RB1: variants seen among roughly 807,000 people sequenced by gnomAD.
The protein encoded by RB1 is RB transcriptional corepressor 1.
A neutral mutation model predicts 135.4 loss-of-function variants in RB1; 18 were observed. The ratio of observed to expected loss-of-function variants is 0.13; its 90% CI spans 0.09 to 0.20. The LOEUF is 0.20. RB1 is among the 10% of genes least tolerant of loss of function. The pLI, the probability that RB1 is intolerant of heterozygous loss-of-function variation, is 1.00. For synonymous variants in RB1, 365 were observed against 373.2 expected (o/e 0.98, Z 0.25); for missense variants, 868 against 1,110.0 (o/e 0.78, Z 3.10).
chr13:48,366,389 A>G (rs1232420320), intron 9 of RB1, among the ~76,000 whole-genome samples: 2 of 152,220 alleles, frequency 1.3e-5, no homozygotes, highest in African/African-American at 4.8e-5. Context: ...AAACATAAGC[A>G]TGGATTACTG....
At chr13:48,320,304 G>A (rs1469205970) in intron 2 of RB1, 25 of 1,238,998 alleles carry the variant, frequency 2.0e-5, no homozygotes, top group Non-Finnish European at 2.8e-5. Context: ...GAGCAACCCC[G>A]CTGCGCTGCA....
rs1593532038 is a variant in RB1 at position 48,456,293 on chromosome 13, C to T, written c.1904C>T (p.Ala635Val). 6.2e-7 allele frequency: 1 copy of T among 1,614,206 alleles called. No homozygotes were observed. Among genetic ancestry groups the T allele is most frequent in the Middle Eastern group, 1.6e-4 (1 of 6,062 alleles). ...TANAETQATSAFQTQKPLKST... is the reference protein window; with the variant it reads ...TANAETQATSVFQTQKPLKST... ...AATGCAGAGACACAAGCAACCTCAG[C>T]CTTCCAGACCCAGAAGCCATTGAAA... The change falls in exon 19 of 27, where the codon GCC becomes GTC. Residue 635 changes from alanine to valine, a missense_variant. By Grantham distance (64) the Ala-to-Val change is moderately conservative (BLOSUM62 0). Around this residue, in one of 3 missense-constraint regions of RB1, gnomAD observed 641 missense variants for 791.3 expected, o/e 0.81. Coordinates refer to ENST00000267163, the MANE Select transcript of RB1 (RefSeq NM_000321.3).
intron 24 of RB1, among the ~76,000 whole-genome samples, chr13:48,474,155 G>A (rs913053859): frequency 6.6e-6 from 1 of 152,090 alleles, no homozygotes; most frequent in Non-Finnish European, 1.5e-5. Context: ...CAACTCCAAA[G>A]ATCTCCCAAC....
chr13:48,356,231 T>C (rs1952589956), intron 6 of RB1, among the ~76,000 whole-genome samples: 1 of 152,072 alleles, frequency 6.6e-6, no homozygotes, highest in South Asian at 2.1e-4. Context: ...TATGTAATTG[T>C]CATTCCAGAT....
At chr13:48,388,430 A>G (rs1275621822) in intron 17 of RB1, among the ~76,000 whole-genome samples, 1 of 152,230 alleles carries the variant, frequency 6.6e-6, no homozygotes, top group Non-Finnish European at 1.5e-5. Flanking sequence ...AATCTAGGCT[A>G]AGATTATGGA....
chr13:48,450,094 A>AT (rs386379116), intron 17 of RB1, among the ~76,000 whole-genome samples: 17,330 of 117,696 alleles, frequency 0.15, 1,170 homozygotes, highest in East Asian at 0.2. Flanking sequence ...ATATATATAT[A>AT]TTTTTTTTTT....
At chr13:48,328,325 T>G in intron 2 of RB1, 1 of 1,586,706 alleles carries the variant, frequency 6.3e-7, no homozygotes. Flanking sequence ...TTGGAACAGT[T>G]TCTTTAGGCT....
At position 48,452,245 on chromosome 13, in the gene RB1, A is replaced by C. The variant is rs567369942; in HGVS notation, c.1696-748A>C. On this transcript the variant is annotated intron_variant, in intron 17 of 26. Coordinates refer to ENST00000267163, the MANE Select transcript of RB1 (RefSeq NM_000321.3). The stretch of plus-strand genomic sequence containing the variant: ...GGAATGTTTCTAGTTTTTCCATTCC[A>C]GGAAGAAAATCTGAGTAAAAGTGGA... Among the ~76,000 whole-genome samples the C allele has an allele frequency of 3.9e-5, 6 of 152,230 alleles. No individual in the cohort carries two copies. The South Asian group carries it at 1.2e-3, about 32-fold the overall frequency.
In RB1 at chr13:48,479,001, AG is replaced by A. The variant is rs1949520694; in HGVS notation, c.2714-995del. Among the ~76,000 whole-genome samples the A allele has an allele frequency of 5.3e-5, 8 of 152,238 alleles. No homozygotes were observed. The South Asian group carries it at 1.7e-3, about 32-fold the overall frequency. On this transcript the variant is annotated intron_variant, in intron 26 of 26. Transcript: ENST00000267163. ...CAGCACTATGGGAGGGCAAGGTGAG[AG>A]GATTGCTTGAGGCCAGGAGTTCAAG... is the stretch of plus-strand genomic sequence containing the variant.
At chr13:48,355,276 C>T (rs1483968049) in intron 6 of RB1, among the ~76,000 whole-genome samples, 1 of 152,006 alleles carries the variant, frequency 6.6e-6, no homozygotes, top group Non-Finnish European at 1.5e-5. Context: ...ACACATTTCT[C>T]AAAAGAAGAC....
intron 3 of RB1, among the ~76,000 whole-genome samples, chr13:48,344,036 A>T (rs1157082334): frequency 6.6e-6 from 1 of 152,174 alleles, no homozygotes; most frequent in Non-Finnish European, 1.5e-5. Context: ...TCAGGTGACT[A>T]TCTTTTGTTT....
chr13:48,364,886 T>C lies in RB1; in HGVS notation c.862-8T>C, dbSNP rs745767704. 64 of 1,550,366 alleles carry C rather than the reference T, an allele frequency of 4.1e-5. No homozygotes were observed. Among genetic ancestry groups the C allele is most frequent in the Non-Finnish European group, 5.4e-5 (62 of 1,144,930 alleles). On this transcript the variant is annotated splice_region_variant and splice_polypyrimidine_tract_variant and intron_variant, in intron 8 of 26. Coordinates refer to ENST00000267163, the MANE Select transcript of RB1 (RefSeq NM_000321.3). ...TTAATGATCATGTTGTAACTTCATC[T>C]TTTTCAGGTGAAAAATGTTTATTTC...
At chr13:48,331,823 G>A (rs1431176809) in intron 2 of RB1, among the ~76,000 whole-genome samples, 6 of 152,136 alleles carry the variant, frequency 3.9e-5, no homozygotes, top group African/African-American at 7.2e-5. Context: ...ATTCACAGTC[G>A]CAAAGATATG....
At chr13:48,318,520 G>T in intron 2 of RB1, 1 of 974,250 alleles carries the variant, frequency 1.0e-6, no homozygotes, top group Non-Finnish European at 1.5e-6. Flanking sequence ...GTGTCGCCGG[G>T]CCCCTTGGCT....
intron 2 of RB1, among the ~76,000 whole-genome samples, chr13:48,338,186 T>A (rs999814601): frequency 6.6e-6 from 1 of 152,184 alleles, no homozygotes; most frequent in African/African-American, 2.4e-5. Context: ...GGAGTATCTT[T>A]GTGGCATTCT....
At chr13:48,355,581 C>T (rs915729057) in intron 6 of RB1, among the ~76,000 whole-genome samples, 7 of 152,028 alleles carry the variant, frequency 4.6e-5, no homozygotes, top group Admixed American at 1.3e-4. Context: ...ATATACCCAA[C>T]GAAAGGAAGT....
chr13:48,395,440 G>A (rs1948640547), intron 17 of RB1, among the ~76,000 whole-genome samples: 1 of 152,028 alleles, frequency 6.6e-6, no homozygotes, highest in Non-Finnish European at 1.5e-5. Flanking sequence ...CCGAGCTAAA[G>A]GACCATGTTC....
intron 19 of RB1, among the ~76,000 whole-genome samples, chr13:48,457,245 C>G (rs1310344553): frequency 6.6e-6 from 1 of 152,184 alleles, no homozygotes; most frequent in Non-Finnish European, 1.5e-5. Context: ...GAAGGTAGCT[C>G]CTCTCTGCAG....
intron 13 of RB1, among the ~76,000 whole-genome samples, chr13:48,378,648 A>G (rs1952854012): frequency 6.6e-6 from 1 of 152,088 alleles, no homozygotes; most frequent in Non-Finnish European, 1.5e-5. Flanking sequence ...TAATAAATAC[A>G]TAAACCAGTA....
Sources: allele counts gnomAD v4.1 joint callset (sites outside exome capture counted in the v4.1 genomes callset), GRCh38; gene constraint gnomAD v4.1.1; regional missense constraint gnomAD v4.1.1; transcripts MANE v1.5; gene names NCBI Gene and HGNC (gene_info 2026-07-23, HGNC 2026-07-21).